The following SLC25A26 variants were observed in gnomAD, a reference collection of about 807,000 sequenced individuals.
The protein encoded by SLC25A26 is solute carrier family 25 member 26.
In SLC25A26, 36 loss-of-function variants were observed where a neutral mutation model predicts 37.8. That is an observed-to-expected ratio of 0.95 (90% confidence interval 0.73 to 1.26). SLC25A26 has a LOEUF of 1.26. SLC25A26 is among the 50% of genes most tolerant of loss of function. The pLI, the probability that SLC25A26 is intolerant of heterozygous loss-of-function variation, is 0.00. For missense variants in SLC25A26, 390 were observed against 331.1 expected (o/e 1.18, Z -1.38); for synonymous variants, 129 against 122.5 (o/e 1.05, Z -0.35).
chr3:66,204,443 A>AAAAAAAG (rs2071151083), intron 1 of SLC25A26, among the ~76,000 whole-genome samples: 4 of 147,990 alleles, frequency 2.7e-5, no homozygotes, highest in Admixed American at 6.7e-5. Flanking sequence ...AAAAAAAGAA[A>AAAAAAAG]AAAAGAAAAA....
intron 5 of SLC25A26, among the ~76,000 whole-genome samples, chr3:66,341,741 C>G (rs776288127): frequency 7.9e-5 from 12 of 152,132 alleles, no homozygotes; most frequent in Non-Finnish European, 1.3e-4. Flanking sequence ...AATTCACTTT[C>G]AATTTTCCTC....
At chr3:66,224,618 A>T (rs964762716) in intron 1 of SLC25A26, among the ~76,000 whole-genome samples, 3 of 152,136 alleles carry the variant, frequency 2.0e-5, no homozygotes, top group Non-Finnish European at 4.4e-5. Context: ...GCCTCTCCCA[A>T]ATCTCCTATC....
chr3:66,277,324 G>A (rs568418889), intron 5 of SLC25A26, among the ~76,000 whole-genome samples: 29 of 152,170 alleles, frequency 1.9e-4, no homozygotes, highest in African/African-American at 6.5e-4. Context: ...TATGTATAAT[G>A]TATCAAAAAT....
At chr3:66,324,400 T>C (rs538793094) in intron 5 of SLC25A26, among the ~76,000 whole-genome samples, 4 of 152,248 alleles carry the variant, frequency 2.6e-5, no homozygotes, top group Admixed American at 2.0e-4. Flanking sequence ...TCTGTCAGAA[T>C]GCAGAGTCTG....
intron 3 of SLC25A26, among the ~76,000 whole-genome samples, chr3:66,256,331 T>A (rs554783179): frequency 6.6e-6 from 1 of 152,340 alleles, no homozygotes; most frequent in African/African-American, 2.4e-5. Context: ...TATGTCCTTT[T>A]TATCAAGGCT....
intron 1 of SLC25A26, among the ~76,000 whole-genome samples, chr3:66,214,972 A>G (rs982110429): frequency 5.9e-5 from 9 of 152,138 alleles, no homozygotes; most frequent in South Asian, 2.1e-4. Flanking sequence ...TACTAAAAAT[A>G]CAAAAATTCG....
At chr3:66,222,424 G>A (rs565718867) in intron 1 of SLC25A26, among the ~76,000 whole-genome samples, 34 of 152,206 alleles carry the variant, frequency 2.2e-4, no homozygotes, top group African/African-American at 7.5e-4. Flanking sequence ...TCGTGATCCC[G>A]CCCGCCTCGG....
At chr3:66,343,105 T>C (rs192604310) in intron 5 of SLC25A26, among the ~76,000 whole-genome samples, 7 of 152,316 alleles carry the variant, frequency 4.6e-5, no homozygotes, top group African/African-American at 9.6e-5. Context: ...CAATCACTGT[T>C]ATGTAACTTC....
At chr3:66,276,712 G>C (rs1393667443) in intron 5 of SLC25A26, among the ~76,000 whole-genome samples, 1 of 152,064 alleles carries the variant, frequency 6.6e-6, no homozygotes, top group Non-Finnish European at 1.5e-5. Context: ...CTTTGGCCTT[G>C]AAGTGGTTTT....
intron 1 of SLC25A26, among the ~76,000 whole-genome samples, chr3:66,137,976 G>A (rs2069972622): frequency 6.6e-6 from 1 of 152,086 alleles, no homozygotes; most frequent in Non-Finnish European, 1.5e-5. Context: ...TGGGATTACA[G>A]GCGTGCATTA....
rs2074554077 is a variant in SLC25A26, at chr3:66,287,439, T to C, written c.453+24060T>C. Among the ~76,000 whole-genome samples the C allele has an allele frequency of 4.6e-5, 7 of 152,324 alleles. No individual in the cohort carries two copies. In the South Asian group the frequency reaches 1.4e-3, roughly 32 times the overall value. Reference sequence around the variant, plus strand: ...AGTTCAATAATTCGGTATCTTTCACTTTTTTTCTGTCTCTATTTTTCTGAA... The same window carrying C: ...AGTTCAATAATTCGGTATCTTTCACCTTTTTTCTGTCTCTATTTTTCTGAA... On this transcript the variant is annotated intron_variant, in intron 5 of 9. Coordinates refer to ENST00000354883, the MANE Select transcript of SLC25A26 (RefSeq NM_001379210.1).
chr3:66,351,390 A>G (rs917833280), intron 6 of SLC25A26, among the ~76,000 whole-genome samples: 1 of 152,222 alleles, frequency 6.6e-6, no homozygotes, highest in African/African-American at 2.4e-5. Context: ...AGTCTTAGAG[A>G]AGATAATTTT....
At chr3:66,329,633 A>G (rs1258769473) in intron 5 of SLC25A26, among the ~76,000 whole-genome samples, 1 of 152,210 alleles carries the variant, frequency 6.6e-6, no homozygotes, top group Non-Finnish European at 1.5e-5. Flanking sequence ...TTTTAAATGT[A>G]AGAAAATTGA....
At chr3:66,323,113 T>C (rs2075740930) in intron 5 of SLC25A26, among the ~76,000 whole-genome samples, 1 of 152,164 alleles carries the variant, frequency 6.6e-6, no homozygotes, top group African/African-American at 2.4e-5. Flanking sequence ...GAGATGCCTC[T>C]TTCCTCTCTG....
At chr3:66,240,961 A>T (rs944482484) in intron 2 of SLC25A26, among the ~76,000 whole-genome samples, 2 of 151,432 alleles carry the variant, frequency 1.3e-5, no homozygotes, top group African/African-American at 4.8e-5. Flanking sequence ...TTAGCCAAGG[A>T]TGGTCTCGAT....
At chr3:66,313,283 C>A (rs114037200) in intron 5 of SLC25A26, among the ~76,000 whole-genome samples, 3,147 of 152,118 alleles carry the variant, frequency 0.021, 57 homozygotes, top group Non-Finnish European at 0.034. Flanking sequence ...GTCTTTGATC[C>A]ATCTTGAGTT....
intron 9 of SLC25A26, among the ~76,000 whole-genome samples, chr3:66,373,624 G>C (rs991619293): frequency 7.2e-5 from 11 of 151,850 alleles, no homozygotes; most frequent in African/African-American, 2.2e-4. Flanking sequence ...GAAGGACATA[G>C]TGGTAATTTA....
rs147942533 is a variant in SLC25A26 at position 66,174,837 on chromosome 3, G to A, written c.-354+40853G>A. Among the ~76,000 whole-genome samples the A allele has an allele frequency of 8.3e-3, 1,239 of 149,854 alleles. 13 individuals carry two copies. The highest frequency in any genetic ancestry group is 0.028 in the African/African-American group (1,166 of 40,916). ...AGAAAAAAAAAATGCGCTATGAAAAGTCACAAAATATTGCTATGCAGAGGA... is the reference window on the plus strand; with the variant it reads ...AGAAAAAAAAAATGCGCTATGAAAAATCACAAAATATTGCTATGCAGAGGA... On this transcript the variant is annotated intron_variant, in intron 1 of 10. Coordinates refer to the SLC25A26 transcript ENST00000676754.
intron 2 of SLC25A26, among the ~76,000 whole-genome samples, chr3:66,239,234 A>ATC (rs1165311039): frequency 2.0e-5 from 3 of 147,880 alleles, no homozygotes; most frequent in South Asian, 4.2e-4. Flanking sequence ...TGAATTTAAG[A>ATC]TCTATGTTTT....
Sources: gnomAD v4.1 joint callset for allele counts (sites outside exome capture counted in the v4.1 genomes callset) on GRCh38, gnomAD v4.1.1 for gene constraint, MANE v1.5 for transcripts, NCBI Gene and HGNC (gene_info 2026-07-23, HGNC 2026-07-21) for gene names.